The following RERE variants were observed in gnomAD, a reference collection of about 807,000 sequenced individuals.
RERE encodes arginine-glutamic acid dipeptide repeats.
A neutral mutation model predicts 146.1 loss-of-function variants in RERE; 40 were observed. That is an observed-to-expected ratio of 0.27 (90% CI 0.21 to 0.36). The LOEUF is 0.36. RERE is among the 10% of genes least tolerant of loss of function. The probability of loss-of-function intolerance (pLI) is 1.00; values close to 1 mark genes in which losing one functional copy is unlikely to be tolerated. For missense variants in RERE, 1,933 were observed against 2,138.7 expected, an observed-to-expected ratio of 0.90 and a Z score of 1.90; for synonymous variants, 1,003 against 866.0, an observed-to-expected ratio of 1.16 and a Z score of -2.78.
chr1:8,552,427 T>C (rs1289355363), intron 6 of RERE, among the ~76,000 whole-genome samples: 2 of 152,218 alleles, frequency 1.3e-5, no homozygotes, highest in African/African-American at 4.8e-5. Context: ...TTTTTCTTTT[T>C]TGTTCCCCAT....
At chr1:8,434,001 G>T (rs968464746) in intron 11 of RERE, among the ~76,000 whole-genome samples, 1 of 152,220 alleles carries the variant, frequency 6.6e-6, no homozygotes, top group Non-Finnish European at 1.5e-5. Flanking sequence ...CAAAGAGAAT[G>T]AGAAGGAGCA....
intron 11 of RERE, among the ~76,000 whole-genome samples, chr1:8,435,357 G>A (rs762951990): frequency 6.6e-6 from 1 of 152,218 alleles, no homozygotes; most frequent in African/African-American, 2.4e-5. Flanking sequence ...GCAGGTGCTT[G>A]ACAACCACTG....
chr1:8,805,005 TTGG>T lies in RERE; in HGVS notation c.-145+12152_-145+12154del, dbSNP rs753308716. 6.7e-4 allele frequency among the ~76,000 whole-genome samples: 74 copies of T among 111,180 alleles called. 6 individuals are homozygous for T. Among genetic ancestry groups the T allele is most frequent in the African/African-American group, 8.0e-4 (23 of 28,618 alleles). 72.9% of individuals were successfully genotyped at this position (111,180 alleles called of 152,430 possible). A position where few individuals can be genotyped will look rare whatever the true frequency, so the allele number is the denominator to read the frequency against. On this transcript the variant is annotated intron_variant, in intron 1 of 22. Transcript: ENST00000400908. ...TGATTTTTTTTGTTTTGTTTTGTTT[TTGG>T]TTTTTTTTTTTTTTTTTTTTGAGAC...
intron 2 of RERE, among the ~76,000 whole-genome samples, chr1:8,649,840 T>G (rs1429410583): frequency 6.6e-6 from 1 of 152,118 alleles, no homozygotes; most frequent in East Asian, 1.9e-4. Flanking sequence ...GAATTGCTGT[T>G]TTTTTGGAGA....
intron 4 of RERE, among the ~76,000 whole-genome samples, chr1:8,601,626 C>A (rs1310512917): frequency 5.3e-5 from 5 of 94,908 alleles, no homozygotes; most frequent in African/African-American, 8.8e-5. Context: ...TCCAAGGTCA[C>A]CACACACACA....
Position 8,364,520 on chromosome 1 carries a change from A to G in RERE, c.1540+226T>C, listed in dbSNP as rs1229516177. ...CTGGGAACTACAGTGTCAACCCCCC[A>G]ATCCCACTCAATCTGTCCTGCCTAC... is the stretch of plus-strand genomic sequence containing the variant. On this transcript the variant is annotated intron_variant, in intron 14 of 22. Transcript: ENST00000400908. The surrounding 1 kb of genome is among the most constrained non-coding windows in gnomAD (Gnocchi z 5.1). Among the ~76,000 whole-genome samples, 1 of 152,114 alleles carries G rather than the reference A, an allele frequency of 6.6e-6. No homozygotes were observed. Among genetic ancestry groups the G allele is most frequent in the Non-Finnish European group, 1.5e-5 (1 of 68,008 alleles).
At chr1:8,728,653 C>T (rs1168479388) in intron 1 of RERE, among the ~76,000 whole-genome samples, 2 of 152,124 alleles carry the variant, frequency 1.3e-5, no homozygotes, top group East Asian at 3.8e-4. Context: ...TACCATAACA[C>T]CAAAAAGCAT....
chr1:8,725,119 T>C (rs1639935136), intron 1 of RERE, among the ~76,000 whole-genome samples: 1 of 152,186 alleles, frequency 6.6e-6, no homozygotes, highest in Admixed American at 6.5e-5. Context: ...GTAAACCTAA[T>C]ACTCAATAAC....
At chr1:8,715,225 C>T (rs890380375) in intron 1 of RERE, among the ~76,000 whole-genome samples, 1 of 149,262 alleles carries the variant, frequency 6.7e-6, no homozygotes, top group Non-Finnish European at 1.5e-5. Context: ...ATAATATAAA[C>T]ATTCGGCTGG....
At chr1:8,781,798 C>T (rs1485955280) in intron 1 of RERE, among the ~76,000 whole-genome samples, 3 of 151,790 alleles carry the variant, frequency 2.0e-5, no homozygotes, top group Non-Finnish European at 4.4e-5. Context: ...TAGGAATTCT[C>T]ATTCCTTGTA....
chr1:8,556,339 C>G (rs1015612853), intron 6 of RERE, 136 bp downstream of exon 6: 8 of 572,690 alleles, frequency 1.4e-5, no homozygotes, highest in Non-Finnish European at 2.5e-5. Flanking sequence ...CCAGAGCGGA[C>G]ACTGGCATGT....
At chr1:8,419,237 C>T (rs926663497) in intron 12 of RERE, among the ~76,000 whole-genome samples, 12 of 152,168 alleles carry the variant, frequency 7.9e-5, no homozygotes, top group African/African-American at 2.2e-4. Context: ...GAGGTTAACA[C>T]GTAATACCCA....
At chr1:8,419,737 T>C (rs555167049) in intron 12 of RERE, among the ~76,000 whole-genome samples, 2 of 152,310 alleles carry the variant, frequency 1.3e-5, no homozygotes, top group African/African-American at 2.4e-5. Flanking sequence ...TATCACCCCA[T>C]TTTACAAACG....
In RERE at chr1:8,778,341, A is replaced by G. The variant is rs540506741; in HGVS notation, c.-145+38819T>C. Among the ~76,000 whole-genome samples, 387 of 152,332 alleles carry G rather than the reference A, an allele frequency of 2.5e-3. 3 individuals carry two copies. Among genetic ancestry groups the G allele is most frequent in the African/African-American group, 8.8e-3 (367 of 41,576 alleles). ...GCCAAAAATCACAAGATCTATTTAT[A>G]TATTTTAGCAATCTAGTGAAAACGT... is the stretch of plus-strand genomic sequence containing the variant. On this transcript the variant is annotated intron_variant, in intron 1 of 22. Coordinates refer to ENST00000400908, the MANE Select transcript of RERE (RefSeq NM_001042681.2).
intron 2 of RERE, among the ~76,000 whole-genome samples, chr1:8,632,891 G>A (rs1406631605): frequency 6.6e-6 from 1 of 152,192 alleles, no homozygotes; most frequent in African/African-American, 2.4e-5. Flanking sequence ...CTGGAAAGAT[G>A]TTCTACTAAT....
At chr1:8,662,388 T>A (rs867577369) in intron 1 of RERE, among the ~76,000 whole-genome samples, 1 of 152,228 alleles carries the variant, frequency 6.6e-6, no homozygotes, top group African/African-American at 2.4e-5. Context: ...AGAGAACCAC[T>A]TCCTGGCTGG....
At chr1:8,486,482 A>G (rs1644901018) in intron 10 of RERE, among the ~76,000 whole-genome samples, 1 of 152,202 alleles carries the variant, frequency 6.6e-6, no homozygotes, top group Non-Finnish European at 1.5e-5. Flanking sequence ...AAAAAATTCA[A>G]AACATTTTTG....
intron 7 of RERE, among the ~76,000 whole-genome samples, chr1:8,530,492 C>A (rs1645629360): frequency 6.6e-6 from 1 of 151,774 alleles, no homozygotes; most frequent in Non-Finnish European, 1.5e-5. Flanking sequence ...AACTTTAAAG[C>A]CAAAATGGGG....
At chr1:8,422,967 C>T (rs1266141200) in intron 11 of RERE, among the ~76,000 whole-genome samples, 160 bp from the exon 12 acceptor site, 1 of 152,126 alleles carries the variant, frequency 6.6e-6, no homozygotes, top group Non-Finnish European at 1.5e-5. Context: ...TCAGCTGGGA[C>T]CCACTGGCCA....
Sources: gnomAD v4.1 joint callset for allele counts (sites outside exome capture counted in the v4.1 genomes callset) on GRCh38, gnomAD v4.1.1 for gene constraint, Gnocchi (gnomAD v3.1) non-coding constraint, MANE v1.5 for transcripts, NCBI Gene and HGNC (gene_info 2026-07-23, HGNC 2026-07-21) for gene names.